Variants in LCT observed in about 807,000 individuals in gnomAD.
LCT encodes the protein lactase/phlorizin hydrolase.
A neutral mutation model predicts 173.0 loss-of-function variants in LCT; 90 were observed. That is an observed-to-expected ratio of 0.52 (90% CI 0.44 to 0.62). The LOEUF (loss-of-function observed/expected upper bound fraction) is 0.62, where lower values mean the gene tolerates loss of function less well. LCT is among the 20% of genes least tolerant of loss of function. LCT has a pLI of 0.00. For missense variants in LCT, 1,864 were observed against 2,431.4 expected (o/e 0.77, Z 4.91); for synonymous variants, 853 against 957.6 (o/e 0.89, Z 2.02).
At chr2:135,794,578 C>T in intron 14 of LCT, 63 bp downstream of exon 14, 1 of 1,577,448 alleles carries the variant, frequency 6.3e-7, no homozygotes, top group South Asian at 1.1e-5. Context: ...TCAGAGAGCA[C>T]AGCCAAGGGC....
rs755709986 is a variant in LCT at position 135,809,326 on chromosome 2, C to T, written c.3021G>A (p.Leu1007=). Reference sequence around the variant, plus strand: ...CCATGGGAAAGATGTTGCTTGCCACCAAGCCATTGATCAGCCTGTTGTAAT... The same window carrying T: ...CCATGGGAAAGATGTTGCTTGCCACTAAGCCATTGATCAGCCTGTTGTAAT... ...VDYYNRLING[L]VASNIFPMVT... Residue 1007 remains leucine, a synonymous_variant, in exon 8 of 17, where the codon TTG becomes TTA. Coordinates refer to ENST00000264162, the MANE Select transcript of LCT (RefSeq NM_002299.4). The surrounding 1 kb of genome is among the most constrained non-coding windows in gnomAD (Gnocchi z 5.5). 9 of 1,614,098 alleles carry T rather than the reference C, an allele frequency of 5.6e-6. No homozygotes were observed. In the African/African-American group the frequency reaches 9.3e-5, roughly 17 times the overall value.
chr2:135,819,753 G>A lies in LCT; in HGVS notation c.987-1692C>T, dbSNP rs187109598. ...TGGATCGCAGCTGGGGATGTGTCGC[G>A]TCCCCTCGGTGCTCAGCCTCTGCGT... On this transcript the variant is annotated intron_variant, in intron 5 of 16. Coordinates refer to ENST00000264162, the MANE Select transcript of LCT (RefSeq NM_002299.4). Among the ~76,000 whole-genome samples, 83 of 152,256 alleles carry A rather than the reference G, an allele frequency of 5.5e-4. 1 individual carries two copies. The East Asian group carries it at 0.015, about 27-fold the overall frequency.
At chr2:135,805,359 G>A (rs1575336722) in intron 9 of LCT, among the ~76,000 whole-genome samples, 2 of 152,128 alleles carry the variant, frequency 1.3e-5, no homozygotes, top group Non-Finnish European at 2.9e-5. Flanking sequence ...TCTGGCCCCT[G>A]CTCAGTCTCG....
At chr2:135,822,374 G>T in intron 4 of LCT, 2 of 433,818 alleles carry the variant, frequency 4.6e-6, no homozygotes, top group South Asian at 4.3e-5. Context: ...AAGAGTGTCT[G>T]ATGCAGTAGG....
chr2:135,801,714 C>T (rs2077629311), intron 11 of LCT, among the ~76,000 whole-genome samples: 1 of 151,640 alleles, frequency 6.6e-6, no homozygotes, highest in African/African-American at 2.4e-5. Context: ...GCTGGGACTG[C>T]AGGCGCATGC....
At chr2:135,795,664 G>A (rs2077576568) in intron 13 of LCT, among the ~76,000 whole-genome samples, 1 of 150,480 alleles carries the variant, frequency 6.6e-6, no homozygotes, top group Non-Finnish European at 1.5e-5. Context: ...AAAGTAGCAG[G>A]GGAAATAATT....
At chr2:135,810,755 G>GAC (rs1558738846) in intron 7 of LCT, among the ~76,000 whole-genome samples, 34 of 150,892 alleles carry the variant, frequency 2.3e-4, no homozygotes, top group Non-Finnish European at 4.6e-4. Context: ...GGCCAGGCGT[G>GAC]GTGGCTCACG....
At position 135,809,299 on chromosome 2, in the gene LCT, C is replaced by A. The variant is rs773093221; in HGVS notation, c.3048G>T (p.Val1016=). The stretch of plus-strand genomic sequence containing the variant: ...GGGGCAGGTCCCAATGGAACAATGT[C>A]ACCATGGGAAAGATGTTGCTTGCCA... ...GLVASNIFPM[V]TLFHWDLPQA... is the part of the protein sequence containing the mutation. The change falls in exon 8 of 17, where the codon GTG becomes GTT. Residue 1016 remains valine, a synonymous_variant. Transcript: ENST00000264162. The surrounding 1 kb of genome is among the most constrained non-coding windows in gnomAD (Gnocchi z 5.5). The A allele has an allele frequency of 6.2e-7, 1 of 1,614,120 alleles. No individual in the cohort carries two copies. The highest frequency in any genetic ancestry group is 1.7e-5 in the Admixed American group (1 of 60,028).
intron 3 of LCT, 75 bp downstream of exon 3, chr2:135,829,518 A>C (rs1273400478): frequency 1.8e-6 from 2 of 1,104,000 alleles, no homozygotes; most frequent in African/African-American, 3.1e-5. Flanking sequence ...GCAGTAGCCA[A>C]AGCATTAAAT....
chr2:135,825,629 C>T (rs977982549), intron 3 of LCT, among the ~76,000 whole-genome samples: 11 of 152,176 alleles, frequency 7.2e-5, no homozygotes, highest in Admixed American at 3.3e-4. Flanking sequence ...CCTGCAGAAC[C>T]GAGAACCCTG....
intron 14 of LCT, among the ~76,000 whole-genome samples, chr2:135,793,138 C>T (rs2077546392): frequency 6.6e-6 from 1 of 152,248 alleles, no homozygotes; most frequent in African/African-American, 2.4e-5. Context: ...CACATGACAA[C>T]TTCACTGCTC....
At position 135,833,686 on chromosome 2, in the gene LCT, T is replaced by A. The variant is rs143734541; in HGVS notation, c.641-496A>T. On this transcript the variant is annotated intron_variant, in intron 1 of 16. Coordinates refer to ENST00000264162, the MANE Select transcript of LCT (RefSeq NM_002299.4). ...TGGTCTCGATCTCCTGACCTCATGA[T>A]CTGCCCGCCTTGGCCTCCCAAAGTG... Among the ~76,000 whole-genome samples the A allele has an allele frequency of 6.7e-3, 1,018 of 151,576 alleles. 11 individuals are homozygous for A. Among genetic ancestry groups the A allele is most frequent in the African/African-American group, 0.023 (963 of 41,224 alleles).
Position 135,808,927 on chromosome 2 carries a change from C to A in LCT, c.3420G>T (p.Val1140=), listed in dbSNP as rs549277810. Residue 1140 remains valine (V), a synonymous_variant, in exon 8 of 17, where the codon GTG becomes GTT. Transcript: ENST00000264162. ...EPKSPGVPRD[V]EAADRMLQFS... ...ACTGCAGCATTCGGTCAGCGGCTTC[C>A]ACATCTCTGGGGACCCCTGGTGACT... 6.2e-7 allele frequency: 1 copy of A among 1,614,196 alleles called. No homozygotes were observed. The highest frequency in any genetic ancestry group is 1.3e-5 in the African/African-American group (1 of 75,046).
intron 7 of LCT, among the ~76,000 whole-genome samples, chr2:135,811,756 G>A (rs923493775): frequency 1.3e-5 from 2 of 151,296 alleles, no homozygotes; most frequent in African/African-American, 4.9e-5. Flanking sequence ...GGACTCAGAT[G>A]GGCAGAATGT....
chr2:135,818,008 T>C lies in LCT; in HGVS notation c.1040A>G (p.Asp347Gly), dbSNP rs2077795978. The change falls in exon 6 of 17, where the codon GAC (aspartate) becomes GGC (glycine). Residue 347 changes from aspartate to glycine, a missense_variant. Around this residue, in one of 4 missense-constraint regions of LCT, gnomAD observed 412 missense variants for 462.0 expected, o/e 0.89. Coordinates refer to ENST00000264162, the MANE Select transcript of LCT (RefSeq NM_002299.4). ...SLALQPDQQQ[D>G]HETTDSSPAS... ...AGGAGAGGAGTCCGTGGTCTCGTGG[T>C]CCTGCTGCTGGTCAGGCTGAAGGGC... is the stretch of plus-strand genomic sequence containing the variant. 6.2e-7 allele frequency: 1 copy of C among 1,613,228 alleles called. No homozygotes were observed. The highest frequency in any genetic ancestry group is 1.7e-5 in the Admixed American group (1 of 60,004).
intron 3 of LCT, among the ~76,000 whole-genome samples, chr2:135,826,887 G>A (rs1333979833): frequency 2.0e-5 from 3 of 152,216 alleles, no homozygotes; most frequent in South Asian, 2.1e-4. Flanking sequence ...AGGTTCAGGT[G>A]AGGCATTCAC....
chr2:135,836,958 A>T lies in LCT; in HGVS notation c.212T>A (p.Phe71Tyr). ...GAGACTGCTGAAGTATTCTGGCAGG[A>T]AAGTGGGCAGTGGCTGGTGACAAAC... ...MYVCHQPLPT[F>Y]LPEYFSSLHA... Residue 71 changes from phenylalanine to tyrosine, a missense_variant, in exon 1 of 17, where the codon TTC becomes TAC. This residue lies in a region of LCT where 412 missense variants were observed against 462.0 expected (regional missense o/e 0.89). Transcript: ENST00000264162. 1 of 1,614,154 alleles carries T rather than the reference A, an allele frequency of 6.2e-7. No individual in the cohort carries two copies. The highest frequency in any genetic ancestry group is 8.5e-7 in the Non-Finnish European group (1 of 1,180,004).
chr2:135,810,114 C>T, intron 7 of LCT, 121 bp from the exon 8 acceptor site: 1 of 711,666 alleles, frequency 1.4e-6, no homozygotes, highest in African/African-American at 1.8e-5. Context: ...TCCCAAGTAG[C>T]TGGGACTGAC....
chr2:135,809,561 G>C lies in LCT; in HGVS notation c.2786C>G (p.Pro929Arg). ...GTGGGTAAAGTTATCCCAGATGCTG[G>C]GGCCTTTGCCATCGGCATCCCACGC... is the stretch of plus-strand genomic sequence containing the variant. ...EGAWDADGKG[P>R]SIWDNFTHTP... Residue 929 changes from proline (P) to arginine (R), a missense_variant, in exon 8 of 17, where the codon CCC (proline) becomes CGC (arginine). This residue lies in a region of LCT where 755 missense variants were observed against 926.3 expected (regional missense o/e 0.82). Transcript: ENST00000264162. This position sits in a 1 kb window ranked among gnomAD's most constrained non-coding sequence, Gnocchi z 5.5. The C allele has an allele frequency of 6.2e-7, 1 of 1,614,194 alleles. No individual in the cohort carries two copies. Among genetic ancestry groups the C allele is most frequent in the Non-Finnish European group, 8.5e-7 (1 of 1,180,042 alleles).
Sources: gnomAD v4.1 joint callset for allele counts (sites outside exome capture counted in the v4.1 genomes callset) on GRCh38, gnomAD v4.1.1 for gene constraint, gnomAD v4.1.1 regional missense constraint, Gnocchi (gnomAD v3.1) non-coding constraint, MANE v1.5 for transcripts, NCBI Gene and HGNC (gene_info 2026-07-23, HGNC 2026-07-21) for gene names.